RALGPS1: variants seen among roughly 807,000 people sequenced by gnomAD.
RALGPS1 encodes the protein Ral GEF with PH domain and SH3 binding motif 1, also known as ras-specific guanine nucleotide-releasing factor RalGPS1.
A neutral mutation model predicts 78.8 loss-of-function variants in RALGPS1; 19 were observed. The ratio of observed to expected loss-of-function variants is 0.24; its 90% CI spans 0.17 to 0.35. The LOEUF is 0.35. Among genes scored for constraint, RALGPS1 ranks in the 10% least tolerant of loss-of-function variants. RALGPS1 has a pLI of 1.00. For synonymous variants in RALGPS1, 228 were observed against 256.3 expected, an observed-to-expected ratio of 0.89 and a Z score of 1.06; for missense variants, 454 against 688.3, an observed-to-expected ratio of 0.66 and a Z score of 3.81.
At chr9:127,093,723 C>A in intron 8 of RALGPS1, 1 of 1,613,390 alleles carries the variant, frequency 6.2e-7, no homozygotes, top group Non-Finnish European at 8.5e-7. Flanking sequence ...CATCCCCTGC[C>A]GAGTCTCACC....
At chr9:127,200,171 C>T (rs556805069) in intron 14 of RALGPS1, among the ~76,000 whole-genome samples, 328 of 152,358 alleles carry the variant, frequency 2.2e-3, no homozygotes, top group Middle Eastern at 0.017. Context: ...CACACACACT[C>T]CTCCTCTGGC....
intron 6 of RALGPS1, among the ~76,000 whole-genome samples, chr9:127,052,500 C>G (rs1403107165): frequency 2.6e-5 from 4 of 152,142 alleles, no homozygotes; most frequent in African/African-American, 9.7e-5. Context: ...CATAGAAGAC[C>G]CACATTGATG....
intron 4 of RALGPS1, among the ~76,000 whole-genome samples, chr9:126,978,606 CAAAA>C (rs57764057): frequency 1.8e-5 from 2 of 110,598 alleles, no homozygotes; most frequent in Non-Finnish European, 3.9e-5. Flanking sequence ...GAGACTCTGT[CAAAA>C]AAAAAAAAAA....
intron 4 of RALGPS1, among the ~76,000 whole-genome samples, chr9:127,031,393 T>G (rs1431082041): frequency 6.6e-6 from 1 of 152,228 alleles, no homozygotes; most frequent in Non-Finnish European, 1.5e-5. Context: ...GACAGAATGG[T>G]CATACTTCTT....
intron 8 of RALGPS1, among the ~76,000 whole-genome samples, chr9:127,093,277 G>T (rs936479992): frequency 2.6e-5 from 4 of 152,180 alleles, no homozygotes; most frequent in Admixed American, 1.3e-4. Flanking sequence ...TAGGACTTGA[G>T]CATTGCCACA....
intron 1 of RALGPS1, among the ~76,000 whole-genome samples, chr9:126,961,824 C>G (rs2038923601): frequency 6.6e-6 from 1 of 152,154 alleles, no homozygotes; most frequent in Non-Finnish European, 1.5e-5. Context: ...ATCACAAACT[C>G]TAGTGCCTGC....
chr9:126,960,013 G>C (rs2038723879), intron 1 of RALGPS1, among the ~76,000 whole-genome samples: 1 of 152,172 alleles, frequency 6.6e-6, no homozygotes, highest in South Asian at 2.1e-4. Context: ...CTGAGGAGGG[G>C]ATAACTGAAG....
intron 8 of RALGPS1, among the ~76,000 whole-genome samples, chr9:127,140,970 C>T (rs1225995579): frequency 6.6e-6 from 1 of 152,152 alleles, no homozygotes; most frequent in Non-Finnish European, 1.5e-5. Context: ...AAGGTGCCTA[C>T]AGGGCTGAAT....
At chr9:127,089,035 G>A (rs1484190309) in intron 8 of RALGPS1, 14 of 1,614,124 alleles carry the variant, frequency 8.7e-6, no homozygotes, top group Non-Finnish European at 1.1e-5. Context: ...CTCCGTCCTG[G>A]TAGCGGCTCC....
Position 127,126,862 on chromosome 9 carries a change from T to C in RALGPS1, c.611-39207T>C, listed in dbSNP as rs116656769. 4.3e-3 allele frequency among the ~76,000 whole-genome samples: 654 copies of C among 152,372 alleles called. 7 individuals carry two copies. Among genetic ancestry groups the C allele is most frequent in the African/African-American group, 0.015 (630 of 41,588 alleles). The stretch of plus-strand genomic sequence containing the variant: ...TGAGTTTGATTTTACTGCTTTTTTT[T>C]CTTGATTATGGGTCATATTGTCCTG... On this transcript the variant is annotated intron_variant, in intron 8 of 18. Transcript: ENST00000259351.
chr9:127,077,957 G>T (rs951694134), intron 8 of RALGPS1, among the ~76,000 whole-genome samples: 1 of 152,156 alleles, frequency 6.6e-6, no homozygotes, highest in Admixed American at 6.5e-5. Flanking sequence ...TGGAGCAATA[G>T]ACCTTGTTCC....
intron 8 of RALGPS1, among the ~76,000 whole-genome samples, chr9:127,120,411 C>A (rs1208245102): frequency 1.3e-5 from 2 of 152,188 alleles, no homozygotes; most frequent in East Asian, 3.8e-4. Flanking sequence ...ATAAAGCCCC[C>A]CTCTCCTCAG....
At chr9:126,951,620 G>A (rs1188939632) in intron 1 of RALGPS1, among the ~76,000 whole-genome samples, 6 of 151,478 alleles carry the variant, frequency 4.0e-5, no homozygotes, top group Non-Finnish European at 5.9e-5. Context: ...ATTCAACAAC[G>A]CTTCATGCTA....
intron 4 of RALGPS1, among the ~76,000 whole-genome samples, chr9:126,987,766 AT>A (rs11367924): frequency 0.058 from 8,870 of 152,136 alleles, 871 homozygotes; most frequent in African/African-American, 0.2. Context: ...TCATTTACTC[AT>A]TCATCAGTCT....
chr9:127,049,967 G>C (rs536927427), intron 5 of RALGPS1, 76 bp from the exon 6 acceptor site: 2 of 1,065,986 alleles, frequency 1.9e-6, no homozygotes, highest in African/African-American at 1.6e-5. Context: ...CGGTGGGCAA[G>C]GGGGACACGG....
chr9:127,051,723 C>T (rs2048317349), intron 6 of RALGPS1, among the ~76,000 whole-genome samples: 1 of 152,156 alleles, frequency 6.6e-6, no homozygotes, highest in Admixed American at 6.5e-5. Flanking sequence ...TTTCACTAGG[C>T]CCTACAATGT....
chr9:127,007,721 C>T (rs548112124), intron 4 of RALGPS1, among the ~76,000 whole-genome samples: 8 of 152,134 alleles, frequency 5.3e-5, no homozygotes, highest in Non-Finnish European at 5.9e-5. Context: ...GGCTGGGTCA[C>T]GCCACAATGA....
intron 1 of RALGPS1, among the ~76,000 whole-genome samples, chr9:126,959,783 G>A (rs1035416377): frequency 4.6e-5 from 7 of 152,012 alleles, no homozygotes; most frequent in South Asian, 2.1e-4. Flanking sequence ...CTCACTTTAC[G>A]TCTATATGTT....
intron 8 of RALGPS1, among the ~76,000 whole-genome samples, chr9:127,121,892 A>G (rs2056134604): frequency 6.6e-6 from 1 of 152,164 alleles, no homozygotes; most frequent in South Asian, 2.1e-4. Context: ...GCCTGGGGGC[A>G]TAGGAATCCA....
Sources: allele counts gnomAD v4.1 joint callset (sites outside exome capture counted in the v4.1 genomes callset), GRCh38; gene constraint gnomAD v4.1.1; transcripts MANE v1.5; gene names NCBI Gene and HGNC (gene_info 2026-07-23, HGNC 2026-07-21).